The following MRPL47 variants were observed in gnomAD, a reference collection of about 807,000 sequenced individuals.
MRPL47 encodes the protein large ribosomal subunit protein uL29m.
Under a neutral mutation model 34.0 loss-of-function variants are expected in MRPL47, and 31 were observed. The ratio of observed to expected loss-of-function variants is 0.91; its 90% CI spans 0.68 to 1.23. The LOEUF (loss-of-function observed/expected upper bound fraction) is 1.23. Ranked by LOEUF, MRPL47 falls within the 50% of genes most tolerant of loss-of-function variation. The probability of loss-of-function intolerance (pLI) is 0.00; values close to 1 mark genes in which losing one functional copy is unlikely to be tolerated. For missense variants in MRPL47, 328 were observed against 285.8 expected (o/e 1.15, Z -1.07); for synonymous variants, 106 against 101.6 (o/e 1.04, Z -0.26).
intron 4 of MRPL47, among the ~76,000 whole-genome samples, chr3:179,595,370 T>C (rs1718769680): frequency 6.6e-6 from 1 of 152,188 alleles, no homozygotes; most frequent in Non-Finnish European, 1.5e-5. Context: ...CAGTTCACAC[T>C]CAGCACTTCT....
At chr3:179,589,617 A>ATAAGTT (rs1718620914) in intron 6 of MRPL47, among the ~76,000 whole-genome samples, 1 of 152,236 alleles carries the variant, frequency 6.6e-6, no homozygotes. Context: ...GTCAATAGAA[A>ATAAGTT]TAAGTTTATA....
At chr3:179,592,005 GTA>G (rs752337186) in intron 6 of MRPL47, among the ~76,000 whole-genome samples, 40 of 151,918 alleles carry the variant, frequency 2.6e-4, no homozygotes, top group Non-Finnish European at 5.0e-4. Context: ...GCTAATTTTT[GTA>G]TTTTTAGTAG....
At chr3:179,589,179 C>A (rs1271478564) in intron 6 of MRPL47, among the ~76,000 whole-genome samples, 184 bp from the exon 7 acceptor site, 2 of 152,182 alleles carry the variant, frequency 1.3e-5, no homozygotes, top group African/African-American at 4.8e-5. Flanking sequence ...TCAAGAGCAT[C>A]TGAAACCCTA....
chr3:179,593,671 A>G, intron 5 of MRPL47, 94 bp downstream of exon 5: 1 of 1,190,842 alleles, frequency 8.4e-7, no homozygotes, highest in Non-Finnish European at 1.2e-6. Flanking sequence ...ATTATCTCAT[A>G]TGGTACAAAT....
chr3:179,593,134 C>T (rs908051665), intron 5 of MRPL47, among the ~76,000 whole-genome samples: 9 of 152,128 alleles, frequency 5.9e-5, no homozygotes, highest in African/African-American at 2.2e-4. Context: ...TTATTTACAC[C>T]AGGTCTTCTC....
In MRPL47 at chr3:179,602,573, A is replaced by G. The variant is rs1718949945; in HGVS notation, c.244+79T>C. 3 of 746,196 alleles carry G rather than the reference A, an allele frequency of 4.0e-6. 1 individual carries two copies. In the South Asian group the frequency reaches 5.2e-5, roughly 13 times the overall value. 46.2% of individuals were successfully genotyped at this position (746,196 alleles called of 1,614,324 possible). A position where few individuals can be genotyped will look rare whatever the true frequency, so the allele number is the denominator to read the frequency against. On this transcript the variant is annotated intron_variant, in intron 2 of 6. Transcript: ENST00000476781. ...AAATAATTCCTAAACTGGATATATA[A>G]TCCTAGAACGATGGTTGGGCGGGGC... is the stretch of plus-strand genomic sequence containing the variant.
At chr3:179,594,833 G>A (rs910608554) in intron 4 of MRPL47, among the ~76,000 whole-genome samples, 1 of 152,084 alleles carries the variant, frequency 6.6e-6, no homozygotes, top group Admixed American at 6.5e-5. Flanking sequence ...TGTAATGTGA[G>A]ATGGGCCAAA....
At chr3:179,600,099 C>T (rs532914504) in intron 3 of MRPL47, among the ~76,000 whole-genome samples, 20 of 148,910 alleles carry the variant, frequency 1.3e-4, no homozygotes, top group Non-Finnish European at 2.2e-4. Context: ...CCGGCCTGGG[C>T]GACAAAGCGA....
intron 3 of MRPL47, among the ~76,000 whole-genome samples, chr3:179,601,272 G>A (rs903516813): frequency 6.6e-6 from 1 of 152,122 alleles, no homozygotes; most frequent in Non-Finnish European, 1.5e-5. Flanking sequence ...GCTGGGTGTG[G>A]TGGTGCATAC....
intron 2 of MRPL47, 49 bp downstream of exon 2, chr3:179,602,603 G>T (rs768901821): frequency 2.0e-5 from 17 of 849,156 alleles, no homozygotes; most frequent in East Asian, 1.5e-4. Flanking sequence ...CGGGGCGGGG[G>T]GGGGGGTTCC....
At chr3:179,602,115 G>A (rs1285449036) in intron 2 of MRPL47, among the ~76,000 whole-genome samples, 1 of 152,172 alleles carries the variant, frequency 6.6e-6, no homozygotes, top group Non-Finnish European at 1.5e-5. Context: ...AGGCCAAGAC[G>A]GCGGGCATCA....
At chr3:179,589,226 C>T (rs1352707894) in intron 6 of MRPL47, among the ~76,000 whole-genome samples, 1 of 152,156 alleles carries the variant, frequency 6.6e-6, no homozygotes, top group Non-Finnish European at 1.5e-5. Context: ...GAAAGAATGT[C>T]CAGATATTAT....
chr3:179,601,631 G>A (rs371857012), intron 3 of MRPL47, 99 bp downstream of exon 3: 7 of 734,394 alleles, frequency 9.5e-6, no homozygotes, highest in Middle Eastern at 2.9e-4. Flanking sequence ...AAAAGAAATC[G>A]CTTTACTCAA....
intron 3 of MRPL47, among the ~76,000 whole-genome samples, chr3:179,599,339 A>C (rs1465796533): frequency 6.6e-6 from 1 of 152,262 alleles, no homozygotes; most frequent in Non-Finnish European, 1.5e-5. Flanking sequence ...TAGTCCTTAC[A>C]TTCTGAGTGG....
At chr3:179,589,130 T>G (rs879128348) in intron 6 of MRPL47, 135 bp from the exon 7 acceptor site, 1 of 834,268 alleles carries the variant, frequency 1.2e-6, no homozygotes, top group South Asian at 2.2e-5. Flanking sequence ...TTATATATAT[T>G]ATTAAACTTG....
chr3:179,602,869 TA>T lies in MRPL47; in HGVS notation c.99-73del, dbSNP rs368847784. 85 of 1,129,774 alleles carry T rather than the reference TA, an allele frequency of 7.5e-5. No homozygotes were observed. The African/African-American group carries it at 1.1e-3, about 15-fold the overall frequency. The allele number at this position is 1,129,774 out of a possible 1,614,324, so 70.0% of individuals were successfully genotyped here. A position where few individuals can be genotyped will look rare whatever the true frequency, so the allele number is the denominator to read the frequency against. ...ATTTTATAAGCAATAAACATTATCA[TA>T]ATAAACATAATCATTTTGTCATCGA... On this transcript the variant is annotated intron_variant, in intron 1 of 6. Transcript: ENST00000476781.
chr3:179,590,123 G>A (rs562538092), intron 6 of MRPL47, among the ~76,000 whole-genome samples: 61 of 152,222 alleles, frequency 4.0e-4, no homozygotes, highest in African/African-American at 1.1e-3. Context: ...AGAGGATCAC[G>A]AGGTCAAGAG....
intron 1 of MRPL47, 65 bp downstream of exon 1, chr3:179,604,462 A>ATCTCGGCG: frequency 1.3e-6 from 2 of 1,490,210 alleles, no homozygotes; most frequent in Non-Finnish European, 1.9e-6. Context: ...GCATCTCGGC[A>ATCTCGGCG]TCTCGGCAAC....
intron 4 of MRPL47, among the ~76,000 whole-genome samples, chr3:179,594,251 T>C (rs2108380395): frequency 6.6e-6 from 1 of 152,314 alleles, no homozygotes; most frequent in East Asian, 1.9e-4. Context: ...ATTTTCATTA[T>C]ATTAAAAAAG....
Sources: allele counts gnomAD v4.1 joint callset (sites outside exome capture counted in the v4.1 genomes callset), GRCh38; gene constraint gnomAD v4.1.1; transcripts MANE v1.5; gene names NCBI Gene and HGNC (gene_info 2026-07-23, HGNC 2026-07-21).